Variants in AKAP6 observed in about 807,000 individuals in gnomAD.
AKAP6 encodes A-kinase anchoring protein 6.
AKAP6 carries 58 observed loss-of-function variants against 188.5 expected under a neutral mutation model. The ratio of observed to expected loss-of-function variants is 0.31; its 90% CI spans 0.25 to 0.38. The LOEUF (loss-of-function observed/expected upper bound fraction) is 0.38, where lower values mean the gene tolerates loss of function less well. AKAP6 is among the 10% of genes least tolerant of loss of function. The pLI is 1.00. For synonymous variants in AKAP6, 989 were observed against 998.6 expected (o/e 0.99, Z 0.18); for missense variants, 2,710 against 2,740.0 (o/e 0.99, Z 0.24).
chr14:32,513,374 A>G (rs976276848), intron 2 of AKAP6, among the ~76,000 whole-genome samples: 3 of 152,216 alleles, frequency 2.0e-5, no homozygotes, highest in African/African-American at 7.2e-5. Context: ...GAGCAAACAC[A>G]GTTAATAATC....
At position 32,821,807 on chromosome 14, in the gene AKAP6, T is replaced by C. The variant is rs1413978565; in HGVS notation, c.3994T>C (p.Ser1332Pro). Residue 1332 changes from serine (S) to proline (P), a missense_variant, in exon 13 of 14, where the codon TCT becomes CCT. Ser to Pro is a moderately conservative substitution (Grantham distance 74). Coordinates refer to ENST00000280979, the MANE Select transcript of AKAP6 (RefSeq NM_004274.5). ...KSLSKDSSFS[S>P]TKSLPDLLGG... ...TCTCAGTAAAGACTCTTCATTTTCATCTACCAAATCTTTGCCAGATCTTCT... is the reference window on the plus strand; with the variant it reads ...TCTCAGTAAAGACTCTTCATTTTCACCTACCAAATCTTTGCCAGATCTTCT... 12 of 1,613,858 alleles carry C rather than the reference T, an allele frequency of 7.4e-6. 2 individuals carry two copies. The South Asian group carries it at 1.3e-4, about 18-fold the overall frequency.
intron 1 of AKAP6, among the ~76,000 whole-genome samples, chr14:32,385,378 A>G (rs991428110): frequency 1.3e-5 from 2 of 149,232 alleles, no homozygotes; most frequent in East Asian, 4.0e-4. Flanking sequence ...ATTTGCAACT[A>G]AATGTCTCTG....
intron 4 of AKAP6, among the ~76,000 whole-genome samples, chr14:32,547,487 T>G (rs1883253006): frequency 1.3e-5 from 2 of 152,204 alleles, no homozygotes; most frequent in Admixed American, 1.3e-4. Flanking sequence ...CTTTTTTTTC[T>G]TTACTCTTCC....
chr14:32,703,617 A>G (rs965699023), intron 9 of AKAP6, among the ~76,000 whole-genome samples: 1 of 152,250 alleles, frequency 6.6e-6, no homozygotes, highest in Non-Finnish European at 1.5e-5. Context: ...TCATGCTTTT[A>G]GCAGCACAAA....
chr14:32,833,000 A>G lies in AKAP6; in HGVS notation c.*3195A>G, dbSNP rs2034837472. ...TTTAAGTGCGAAGTTTTCTCTAGAAATATATTCAAGATATGTTTATTCTAT... is the reference window on the plus strand; with the variant it reads ...TTTAAGTGCGAAGTTTTCTCTAGAAGTATATTCAAGATATGTTTATTCTAT... On this transcript the variant is annotated 3_prime_UTR_variant, in exon 14 of 14. Transcript: ENST00000280979. 6.6e-6 allele frequency: 1 copy of G among 152,652 alleles called. No homozygotes were observed. Among genetic ancestry groups the G allele is most frequent in the South Asian group, 2.1e-4 (1 of 4,834 alleles). The allele number at this position is 152,652 out of a possible 1,614,324, so 9.5% of individuals were successfully genotyped here.
At chr14:32,466,949 G>A (rs1194224531) in intron 2 of AKAP6, among the ~76,000 whole-genome samples, 1 of 149,242 alleles carries the variant, frequency 6.7e-6, no homozygotes, top group Admixed American at 6.7e-5. Flanking sequence ...TAATATAAAG[G>A]TATTAATTTT....
At chr14:32,770,532 C>G (rs1204283668) in intron 11 of AKAP6, among the ~76,000 whole-genome samples, 1 of 152,090 alleles carries the variant, frequency 6.6e-6, no homozygotes, top group Non-Finnish European at 1.5e-5. Flanking sequence ...TTTCTGTTTC[C>G]TACTTCCTTT....
chr14:32,718,950 C>T (rs1193867385), intron 9 of AKAP6, among the ~76,000 whole-genome samples: 1 of 152,126 alleles, frequency 6.6e-6, no homozygotes, highest in Non-Finnish European at 1.5e-5. Flanking sequence ...TGACCTCCTA[C>T]AGTCCCTTGT....
At chr14:32,392,694 C>G (rs1212196474) in intron 1 of AKAP6, among the ~76,000 whole-genome samples, 8 of 152,034 alleles carry the variant, frequency 5.3e-5, no homozygotes, top group Admixed American at 4.6e-4. Context: ...CAGCTGTGCT[C>G]AAGAAATGTT....
At chr14:32,664,285 T>TGCTGATCA (rs1888827667) in intron 7 of AKAP6, among the ~76,000 whole-genome samples, 1 of 152,144 alleles carries the variant, frequency 6.6e-6, no homozygotes, top group Non-Finnish European at 1.5e-5. Flanking sequence ...ATGATCAATC[T>TGCTGATCA]ATACAGTGAT....
intron 7 of AKAP6, among the ~76,000 whole-genome samples, chr14:32,615,590 A>ATTTTTTTTTTT (rs1471881281): frequency 2.3e-5 from 3 of 133,030 alleles, no homozygotes; most frequent in African/African-American, 1.0e-4. Flanking sequence ...CTAAACCATT[A>ATTTTTTTTTTT]CTTTTTTTTT....
chr14:32,700,577 A>G lies in AKAP6; in HGVS notation c.3000+4467A>G, dbSNP rs149577879. ...TTATCCCATAAGATTATAATACTAT[A>G]TTTTTACTATACCTTTTCTATATTT... On this transcript the variant is annotated intron_variant, in intron 9 of 13. Transcript: ENST00000280979. Among the ~76,000 whole-genome samples the G allele has an allele frequency of 3.3e-3, 504 of 152,294 alleles. 1 individual carries two copies. The highest frequency in any genetic ancestry group is 5.5e-3 in the Non-Finnish European group (374 of 68,026).
In AKAP6 at chr14:32,768,757, AC is replaced by A. The variant is rs543519198; in HGVS notation, c.3373-4920del. On this transcript the variant is annotated intron_variant, in intron 11 of 13. Coordinates refer to ENST00000280979, the MANE Select transcript of AKAP6 (RefSeq NM_004274.5). ...ATTTCCTGTAGACTAGTGTTCTCAA[AC>A]TTTAGCATGTATTGGAATCACCTAT... 5.7e-4 allele frequency among the ~76,000 whole-genome samples: 87 copies of A among 152,298 alleles called. 1 individual carries two copies. Among genetic ancestry groups the A allele is most frequent in the Non-Finnish European group, 1.2e-3 (79 of 68,032 alleles).
intron 11 of AKAP6, among the ~76,000 whole-genome samples, chr14:32,754,001 T>C (rs2032239355): frequency 6.6e-6 from 1 of 152,092 alleles, no homozygotes; most frequent in Admixed American, 6.5e-5. Context: ...ATTTTGGCTC[T>C]ATAGGGTCTT....
At chr14:32,412,636 A>T (rs1181147847) in intron 1 of AKAP6, among the ~76,000 whole-genome samples, 1 of 152,192 alleles carries the variant, frequency 6.6e-6, no homozygotes, top group African/African-American at 2.4e-5. Flanking sequence ...CACTTTCGTT[A>T]TGGCTCTGTT....
At chr14:32,556,105 A>G (rs1445441724) in intron 4 of AKAP6, among the ~76,000 whole-genome samples, 2 of 151,956 alleles carry the variant, frequency 1.3e-5, no homozygotes, top group Non-Finnish European at 2.9e-5. Flanking sequence ...CCTTGCCAAT[A>G]CTTGTTACTT....
At chr14:32,765,348 C>T (rs1174558507) in intron 11 of AKAP6, among the ~76,000 whole-genome samples, 2 of 152,162 alleles carry the variant, frequency 1.3e-5, no homozygotes, top group Non-Finnish European at 2.9e-5. Context: ...TGAAGCACAT[C>T]TGATATGTCA....
chr14:32,613,203 G>T (rs1252571994), intron 7 of AKAP6, among the ~76,000 whole-genome samples: 1 of 152,096 alleles, frequency 6.6e-6, no homozygotes, highest in East Asian at 1.9e-4. Context: ...AAACACTCAG[G>T]CATTTATTTC....
At chr14:32,329,733 G>A (rs962446567) in intron 1 of AKAP6, among the ~76,000 whole-genome samples, 3 of 152,082 alleles carry the variant, frequency 2.0e-5, no homozygotes, top group Admixed American at 6.6e-5. Context: ...CAGTATTTAA[G>A]CATTGTAAAA....
Sources: gnomAD v4.1 joint callset for allele counts (sites outside exome capture counted in the v4.1 genomes callset) on GRCh38, gnomAD v4.1.1 for gene constraint, MANE v1.5 for transcripts, NCBI Gene and HGNC (gene_info 2026-07-23, HGNC 2026-07-21) for gene names.